DPP6: variants seen among roughly 807,000 people sequenced by gnomAD.
DPP6 encodes A-type potassium channel modulatory protein DPP6.
Under a neutral mutation model 122.6 loss-of-function variants are expected in DPP6, and 69 were observed. The ratio of observed to expected loss-of-function variants is 0.56; its 90% CI spans 0.46 to 0.69. The LOEUF (loss-of-function observed/expected upper bound fraction) is 0.69. DPP6 is among the 30% of genes least tolerant of loss of function. DPP6 has a pLI of 0.00. For missense variants in DPP6, 928 were observed against 1,116.9 expected (o/e 0.83, Z 2.41); for synonymous variants, 418 against 433.1 (o/e 0.97, Z 0.43).
At chr7:154,478,002 C>CT (rs550949096) in intron 3 of DPP6, among the ~76,000 whole-genome samples, 250 of 147,192 alleles carry the variant, frequency 1.7e-3, no homozygotes, top group South Asian at 8.4e-3. Context: ...TTCCCCTTAC[C>CT]TTTTTTTTTT....
At chr7:154,257,816 C>T (rs1459129159) in intron 1 of DPP6, among the ~76,000 whole-genome samples, 2 of 152,178 alleles carry the variant, frequency 1.3e-5, no homozygotes, top group Non-Finnish European at 2.9e-5. Context: ...AGTAAGACAG[C>T]CACATGGGGA....
chr7:154,066,730 A>C (rs1802756931), intron 1 of DPP6, among the ~76,000 whole-genome samples: 1 of 151,910 alleles, frequency 6.6e-6, no homozygotes, highest in South Asian at 2.1e-4. Context: ...TAAAGATTTT[A>C]TTCATTCATC....
At chr7:154,163,315 A>T (rs1797072434) in intron 1 of DPP6, among the ~76,000 whole-genome samples, 1 of 152,188 alleles carries the variant, frequency 6.6e-6, no homozygotes, top group African/African-American at 2.4e-5. Context: ...GTCGAGCTGG[A>T]CACCTGGAAT....
intron 5 of DPP6, among the ~76,000 whole-genome samples, chr7:154,617,796 G>T (rs1055723061): frequency 2.6e-5 from 4 of 152,194 alleles, no homozygotes; most frequent in African/African-American, 9.7e-5. Flanking sequence ...AAATGCTAGA[G>T]TCCAGGCCAA....
At chr7:153,914,100 A>G (rs1800204688) in intron 1 of DPP6, among the ~76,000 whole-genome samples, 1 of 152,062 alleles carries the variant, frequency 6.6e-6, no homozygotes, top group Admixed American at 6.5e-5. Flanking sequence ...ACCTGGCAGG[A>G]GGTAATTGAA....
Position 154,794,305 on chromosome 7 carries a change from G to C in DPP6, c.1260+103G>C, listed in dbSNP as rs56229550. 0.31 allele frequency: 434,905 copies of C among 1,384,710 alleles called. 73,001 individuals carry two copies. The highest frequency in any genetic ancestry group is 0.61 in the African/African-American group (40,619 of 66,958). 85.8% of individuals were successfully genotyped at this position (1,384,710 alleles called of 1,614,324 possible). A position where few individuals can be genotyped will look rare whatever the true frequency, so the allele number is the denominator to read the frequency against. On this transcript the variant is annotated intron_variant, in intron 11 of 25. Transcript: ENST00000377770. Reference sequence around the variant, plus strand: ...GTCTCAGCCCTCGGGCCTGGGACTTGGGGACCGGCCGCCCAGCTGCTGCGG... The same window carrying C: ...GTCTCAGCCCTCGGGCCTGGGACTTCGGGACCGGCCGCCCAGCTGCTGCGG...
At chr7:154,531,592 TA>T (rs1404710822) in intron 3 of DPP6, among the ~76,000 whole-genome samples, 1 of 152,182 alleles carries the variant, frequency 6.6e-6, no homozygotes, top group African/African-American at 2.4e-5. Context: ...TGATAAAGAA[TA>T]AAACACATCA....
intron 1 of DPP6, among the ~76,000 whole-genome samples, chr7:153,987,675 T>C (rs71530444): frequency 2.0e-5 from 3 of 152,116 alleles, no homozygotes; most frequent in South Asian, 2.1e-4. Flanking sequence ...CTAGGGTCAG[T>C]CACCATCGGA....
chr7:154,660,567 G>A (rs1837584445), intron 6 of DPP6, among the ~76,000 whole-genome samples: 1 of 140,658 alleles, frequency 7.1e-6, no homozygotes, highest in Non-Finnish European at 1.5e-5. Flanking sequence ...GAATCACCAT[G>A]GCGTATCGGC....
intron 3 of DPP6, among the ~76,000 whole-genome samples, chr7:154,511,681 T>C (rs1826101924): frequency 6.6e-6 from 1 of 152,190 alleles, no homozygotes; most frequent in Admixed American, 6.5e-5. Context: ...ATTTAATAAA[T>C]ACAAGTATGT....
At chr7:153,878,274 A>G in the DPP6 span, among the ~76,000 whole-genome samples, 1 of 152,110 alleles carries the variant, frequency 6.6e-6, no homozygotes, top group African/African-American at 2.4e-5. Flanking sequence ...TAATAAATCT[A>G]TCAAGTTTCT....
At chr7:153,803,877 A>G in the DPP6 span, among the ~76,000 whole-genome samples, 1 of 151,868 alleles carries the variant, frequency 6.6e-6, no homozygotes, top group African/African-American at 2.4e-5. Flanking sequence ...ACACAAGGAT[A>G]TATGTACCTC....
chr7:153,999,761 C>T (rs367848543), intron 1 of DPP6, among the ~76,000 whole-genome samples: 6 of 152,296 alleles, frequency 3.9e-5, no homozygotes, highest in African/African-American at 1.4e-4. Flanking sequence ...GAGTTTGAGA[C>T]TAGCCTGGGC....
chr7:153,950,668 A>C (rs1473367586), intron 1 of DPP6, among the ~76,000 whole-genome samples: 1 of 152,154 alleles, frequency 6.6e-6, no homozygotes, highest in African/African-American at 2.4e-5. Context: ...TTACAGAGAG[A>C]GGAGCTGTGA....
At chr7:154,614,939 T>G (rs1214370176) in intron 5 of DPP6, among the ~76,000 whole-genome samples, 1 of 152,194 alleles carries the variant, frequency 6.6e-6, no homozygotes, top group Non-Finnish European at 1.5e-5. Flanking sequence ...CGCTGTGAGT[T>G]TAACTGGGCA....
chr7:154,052,604 G>C lies in DPP6; in HGVS notation c.-217G>C. The C allele has an allele frequency of 8.1e-7, 1 of 1,231,144 alleles. No homozygotes were observed. The highest frequency in any genetic ancestry group is 1.0e-6 in the Non-Finnish European group (1 of 978,240). 76.3% of individuals were successfully genotyped at this position (1,231,144 alleles called of 1,614,324 possible). A position where few individuals can be genotyped will look rare whatever the true frequency, so the allele number is the denominator to read the frequency against. On this transcript the variant is annotated 5_prime_UTR_variant, in exon 1 of 26. Coordinates refer to ENST00000377770, the MANE Select transcript of DPP6 (RefSeq NM_130797.4). This position sits in a 1 kb window ranked among gnomAD's most constrained non-coding sequence, Gnocchi z 4.8. ...CTTCGCGAGCCGCCGGGGAGGGGGC[G>C]GAGGAGGCTGAGCCAGGCAGAGTCG...
intron 1 of DPP6, among the ~76,000 whole-genome samples, chr7:154,177,757 T>A (rs1187011607): frequency 6.6e-6 from 1 of 152,240 alleles, no homozygotes; most frequent in African/African-American, 2.4e-5. Flanking sequence ...GTAATAAGAA[T>A]GGTACTCCAG....
chr7:154,382,247 C>T (rs1006489812), intron 1 of DPP6, among the ~76,000 whole-genome samples: 1 of 151,868 alleles, frequency 6.6e-6, no homozygotes, highest in African/African-American at 2.4e-5. Context: ...GAGTGCAGTG[C>T]TGCAATCTTG....
At chr7:154,252,459 A>C (rs62485763) in intron 1 of DPP6, among the ~76,000 whole-genome samples, 130 of 152,352 alleles carry the variant, frequency 8.5e-4, no homozygotes, top group Non-Finnish European at 1.5e-3. Context: ...AGTCAGATCT[A>C]TTATTGTTTT....
Sources: allele counts gnomAD v4.1 joint callset (sites outside exome capture counted in the v4.1 genomes callset), GRCh38; gene constraint gnomAD v4.1.1; non-coding constraint Gnocchi (gnomAD v3.1); transcripts MANE v1.5; gene names NCBI Gene and HGNC (gene_info 2026-07-23, HGNC 2026-07-21).